Variants in PPM1B observed in about 807,000 individuals in gnomAD.
PPM1B encodes protein phosphatase 1B.
Under a neutral mutation model 43.0 loss-of-function variants are expected in PPM1B, and 22 were observed. That is an observed-to-expected ratio of 0.51 (90% CI 0.37 to 0.73). The LOEUF (loss-of-function observed/expected upper bound fraction) is 0.73. Ranked by LOEUF, PPM1B falls within the 30% of genes least tolerant of loss-of-function variation. The pLI is 0.00. For synonymous variants in PPM1B, 217 were observed against 197.9 expected (o/e 1.10, Z -0.81); for missense variants, 632 against 584.2 (o/e 1.08, Z -0.84).
intron 1 of PPM1B, among the ~76,000 whole-genome samples, chr2:44,191,362 C>T (rs1558399650): frequency 6.6e-6 from 1 of 151,954 alleles, no homozygotes; most frequent in South Asian, 2.1e-4. Flanking sequence ...TACAGGTGCC[C>T]GCCACTATGC....
At chr2:44,195,271 A>G (rs1668606961) in intron 1 of PPM1B, among the ~76,000 whole-genome samples, 1 of 149,592 alleles carries the variant, frequency 6.7e-6, no homozygotes, top group Admixed American at 6.7e-5. Context: ...TGGCATGATC[A>G]TAGTTCACTA....
chr2:44,195,742 G>A (rs549628961), intron 1 of PPM1B, among the ~76,000 whole-genome samples: 1 of 152,308 alleles, frequency 6.6e-6, no homozygotes, highest in Non-Finnish European at 1.5e-5. Flanking sequence ...TGGGGTCTAC[G>A]TTCCTTTGTC....
chr2:44,231,177 G>C lies in PPM1B; in HGVS notation c.*459G>C, dbSNP rs947096890. The C allele has an allele frequency of 8.1e-5, 80 of 983,256 alleles. No homozygotes were observed. In the Middle Eastern group the frequency reaches 1.6e-3, roughly 19 times the overall value. 60.9% of individuals were successfully genotyped at this position (983,256 alleles called of 1,614,324 possible). A position where few individuals can be genotyped will look rare whatever the true frequency, so the allele number is the denominator to read the frequency against. On this transcript the variant is annotated 3_prime_UTR_variant, in exon 6 of 6. Coordinates refer to ENST00000282412, the MANE Select transcript of PPM1B (RefSeq NM_002706.6). ...GTTCTTCAAAGAATGGCTGATGCTG[G>C]CCTGTAATTTTTCTTTCAAGGATGA... is the stretch of plus-strand genomic sequence containing the variant.
At chr2:44,207,902 T>C (rs1050774633) in intron 2 of PPM1B, among the ~76,000 whole-genome samples, 8 of 149,528 alleles carry the variant, frequency 5.4e-5, no homozygotes, top group South Asian at 2.2e-4. Context: ...TTTTTTTTTT[T>C]TTTTTGGAGA....
At chr2:44,236,408 A>AAAAAAAAAAAAAAAAAAAAG (rs1670614585), downstream of PPM1B, among the ~76,000 whole-genome samples, 2 of 105,140 alleles carry the variant, frequency 1.9e-5, 1 homozygote, top group Non-Finnish European at 4.4e-5. Context: ...GTCTCAAAAA[A>AAAAAAAAAAAAAAAAAAAAG]AAAAAAAAAA....
intron 1 of PPM1B, among the ~76,000 whole-genome samples, chr2:44,178,037 C>T (rs1314148391): frequency 6.6e-6 from 1 of 151,646 alleles, no homozygotes; most frequent in African/African-American, 2.4e-5. Context: ...CCCACCTCAG[C>T]CTCCCAAATA....
downstream of PPM1B, chr2:44,232,304 C>T (rs573613648): frequency 2.5e-6 from 4 of 1,601,772 alleles, no homozygotes; most frequent in Non-Finnish European, 3.4e-6. Flanking sequence ...TCTTCCTTTT[C>T]TCTTCCTGTA....
chr2:44,211,419 T>C (rs1669461068), intron 3 of PPM1B, among the ~76,000 whole-genome samples: 1 of 152,206 alleles, frequency 6.6e-6, no homozygotes, highest in Middle Eastern at 3.2e-3. Context: ...ATTTAGGTTA[T>C]ACATTGGCAG....
intron 1 of PPM1B, among the ~76,000 whole-genome samples, chr2:44,180,958 T>G (rs1328303759): frequency 6.6e-6 from 1 of 152,052 alleles, no homozygotes; most frequent in Non-Finnish European, 1.5e-5. Flanking sequence ...AGAAGTGTTT[T>G]GTTTTGTTTT....
At chr2:44,212,852 T>C (rs760697250) in intron 3 of PPM1B, among the ~76,000 whole-genome samples, 16 of 152,022 alleles carry the variant, frequency 1.1e-4, no homozygotes, top group Non-Finnish European at 2.1e-4. Flanking sequence ...CTACTAAAAA[T>C]ACAAAAAGAA....
Position 44,169,226 on chromosome 2 carries a change from G to T in PPM1B, c.-63G>T, listed in dbSNP as rs1667192180. ...TTGGAAACTTGGGCTGAGTACCGCG[G>T]CGGGCGCGAGCGAGGCGCCCTAGAC... On this transcript the variant is annotated 5_prime_UTR_variant, in exon 1 of 6. Transcript: ENST00000282412. 6.5e-6 allele frequency: 1 copy of T among 154,512 alleles called. No individual in the cohort carries two copies. Among genetic ancestry groups the T allele is most frequent in the South Asian group, 1.6e-4 (1 of 6,106 alleles). 9.6% of individuals were successfully genotyped at this position (154,512 alleles called of 1,614,324 possible).
At chr2:44,237,669 A>G (rs1191190855), downstream of PPM1B, among the ~76,000 whole-genome samples, 1 of 152,188 alleles carries the variant, frequency 6.6e-6, no homozygotes, top group Non-Finnish European at 1.5e-5. Context: ...TATTGGCAAC[A>G]GTGATTTTTT....
At chr2:44,222,927 C>T (rs1278098716) in intron 5 of PPM1B, among the ~76,000 whole-genome samples, 1 of 152,114 alleles carries the variant, frequency 6.6e-6, no homozygotes, top group Non-Finnish European at 1.5e-5. Context: ...ACCTCCCAGG[C>T]TCAAGCGATC....
At chr2:44,202,872 A>G (rs906099788) in intron 2 of PPM1B, among the ~76,000 whole-genome samples, 1 of 152,178 alleles carries the variant, frequency 6.6e-6, no homozygotes, top group Non-Finnish European at 1.5e-5. Context: ...TGGGTTTTTG[A>G]CAGCATCTAT....
intron 2 of PPM1B, among the ~76,000 whole-genome samples, chr2:44,205,731 A>G (rs1386912624): frequency 1.3e-5 from 2 of 152,148 alleles, no homozygotes; most frequent in Non-Finnish European, 1.5e-5. Flanking sequence ...CTTTTAAAAC[A>G]TTATTTGATT....
intron 1 of PPM1B, among the ~76,000 whole-genome samples, chr2:44,177,499 G>T (rs1667637117): frequency 6.9e-6 from 1 of 145,512 alleles, no homozygotes; most frequent in Admixed American, 7.1e-5. Flanking sequence ...GCTCACTGCA[G>T]CCTCCGCCTT....
intron 5 of PPM1B, among the ~76,000 whole-genome samples, chr2:44,224,213 T>A (rs898423140): frequency 1.3e-5 from 2 of 152,152 alleles, no homozygotes; most frequent in African/African-American, 4.8e-5. Flanking sequence ...CCCAACACTT[T>A]GGGAGGCCGA....
chr2:44,232,225 T>G, downstream of PPM1B: 1 of 1,522,760 alleles, frequency 6.6e-7, no homozygotes, highest in South Asian at 1.2e-5. Flanking sequence ...GGAAGGTAAT[T>G]TGTTCATCAA....
At position 44,201,961 on chromosome 2, in the gene PPM1B, C is replaced by T. The variant is rs1333830296; in HGVS notation, c.762C>T (p.Leu254=). The stretch of plus-strand genomic sequence containing the variant: ...GGGATGTTATGAGTAATGAGGAGCT[C>T]TGTGAATATGTTAAATCTAGGCTTG... ...GIWDVMSNEE[L]CEYVKSRLEV... Residue 254 remains leucine (L), a synonymous_variant, in exon 2 of 6, where the codon CTC becomes CTT. Transcript: ENST00000282412. The surrounding 1 kb of genome is among the most constrained non-coding windows in gnomAD (Gnocchi z 5.4). 1 of 1,613,924 alleles carries T rather than the reference C, an allele frequency of 6.2e-7. No homozygotes were observed. Among genetic ancestry groups the T allele is most frequent in the Non-Finnish European group, 8.5e-7 (1 of 1,179,948 alleles).
Sources: allele counts gnomAD v4.1 joint callset (sites outside exome capture counted in the v4.1 genomes callset), GRCh38; gene constraint gnomAD v4.1.1; non-coding constraint Gnocchi (gnomAD v3.1); transcripts MANE v1.5; gene names NCBI Gene and HGNC (gene_info 2026-07-23, HGNC 2026-07-21).